The following ACSS2 variants were observed in gnomAD, a reference collection of about 807,000 sequenced individuals.
ACSS2 encodes acetyl-coenzyme A synthetase, cytoplasmic.
Under a neutral mutation model 90.6 loss-of-function variants are expected in ACSS2, and 58 were observed. That is an observed-to-expected ratio of 0.64 (90% CI 0.52 to 0.80). ACSS2 has a LOEUF of 0.80. Ranked by LOEUF, ACSS2 falls within the 30% of genes least tolerant of loss-of-function variation. ACSS2 has a pLI of 0.00. For synonymous variants in ACSS2, 300 were observed against 330.9 expected (o/e 0.91, Z 1.01); for missense variants, 759 against 912.0 (o/e 0.83, Z 2.16).
chr20:34,881,586 T>G (rs2080072873), intron 1 of ACSS2, among the ~76,000 whole-genome samples: 2 of 152,212 alleles, frequency 1.3e-5, no homozygotes, highest in African/African-American at 4.8e-5. Context: ...TTTCCCTTAT[T>G]CTCAGTGTTT....
chr20:34,923,388 A>G lies in ACSS2; in HGVS notation c.1614A>G (p.Thr538=). 1 of 1,614,242 alleles carries G rather than the reference A, an allele frequency of 6.2e-7. No homozygotes were observed. The highest frequency in any genetic ancestry group is 1.1e-5 in the South Asian group (1 of 91,088). ...ATGGGAACCACGAACGCTTTGAGAC[A>G]ACCTACTTTAAGAAGTTTCCTGGAT... ...TVYGNHERFE[T]TYFKKFPGYY... is the part of the protein sequence containing the mutation. The change falls in exon 14 of 18, where the codon ACA becomes ACG. Residue 538 remains threonine, a synonymous_variant. Transcript: ENST00000360596.
chr20:34,910,877 C>G (rs897370561), intron 2 of ACSS2, among the ~76,000 whole-genome samples: 6 of 152,114 alleles, frequency 3.9e-5, no homozygotes, highest in Non-Finnish European at 5.9e-5. Context: ...GGCTGGAGTT[C>G]AGTGACATGA....
chr20:34,876,625 C>T lies in ACSS2; in HGVS notation c.-21C>T, dbSNP rs750158537. ...CCCGCCGCGACCGCAAAGGCGGCCGCGGTTCTAGGAACTTGACGTGATGGG... is the reference window on the plus strand; with the variant it reads ...CCCGCCGCGACCGCAAAGGCGGCCGTGGTTCTAGGAACTTGACGTGATGGG... On this transcript the variant is annotated 5_prime_UTR_variant, in exon 1 of 18. Coordinates refer to ENST00000360596, the MANE Select transcript of ACSS2 (RefSeq NM_018677.4). 3 of 1,311,830 alleles carry T rather than the reference C, an allele frequency of 2.3e-6. No homozygotes were observed. Among genetic ancestry groups the T allele is most frequent in the South Asian group, 4.7e-5 (2 of 42,270 alleles). 81.3% of individuals were successfully genotyped at this position (1,311,830 alleles called of 1,614,324 possible).
intron 6 of ACSS2, 30 bp from the exon 7 acceptor site, chr20:34,914,293 G>A: frequency 1.2e-6 from 2 of 1,607,886 alleles, no homozygotes; most frequent in Non-Finnish European, 1.7e-6. Flanking sequence ...AGCCAACAAG[G>A]CTACCACTTT....
intron 13 of ACSS2, 99 bp from the exon 14 acceptor site, chr20:34,923,224 T>G: frequency 1.1e-6 from 1 of 877,108 alleles, no homozygotes; most frequent in East Asian, 2.6e-5. Flanking sequence ...AAGCCTGTAC[T>G]TCATTCAGGA....
chr20:34,901,836 A>C (rs2080667185), intron 2 of ACSS2, among the ~76,000 whole-genome samples: 1 of 152,182 alleles, frequency 6.6e-6, no homozygotes, highest in African/African-American at 2.4e-5. Flanking sequence ...CCTGTGCTGC[A>C]TGGGAACTTG....
chr20:34,903,504 C>T (rs2080721187), intron 2 of ACSS2, among the ~76,000 whole-genome samples: 1 of 152,036 alleles, frequency 6.6e-6, no homozygotes, highest in Non-Finnish European at 1.5e-5. Context: ...ATTTTTGAGA[C>T]TTGCTATCAC....
In ACSS2 at chr20:34,927,357, TC is replaced by T; in HGVS notation, c.*145del. 8.6e-7 allele frequency: 1 copy of T among 1,157,694 alleles called. No individual in the cohort carries two copies. The highest frequency in any genetic ancestry group is 1.2e-6 in the Non-Finnish European group (1 of 806,488). 71.7% of individuals were successfully genotyped at this position (1,157,694 alleles called of 1,614,324 possible). ...TCTGGGACCGGAAACCAGCTTTGTC[TC>T]CAGGTAGAGACAACATCCTGTGACT... On this transcript the variant is annotated 3_prime_UTR_variant, in exon 18 of 18. Transcript: ENST00000360596. The surrounding 1 kb of genome is among the most constrained non-coding windows in gnomAD (Gnocchi z 4.2).
intron 2 of ACSS2, among the ~76,000 whole-genome samples, chr20:34,904,418 G>T (rs2080747460): frequency 6.6e-6 from 1 of 152,130 alleles, no homozygotes; most frequent in African/African-American, 2.4e-5. Context: ...AGGCCGTTTG[G>T]CTGGAGCAGA....
intron 7 of ACSS2, among the ~76,000 whole-genome samples, chr20:34,917,459 G>T (rs542113089): frequency 6.6e-6 from 1 of 152,282 alleles, no homozygotes; most frequent in African/African-American, 2.4e-5. Flanking sequence ...ACCATAAGGG[G>T]CAGGTGGTAC....
intron 2 of ACSS2, among the ~76,000 whole-genome samples, chr20:34,889,003 A>G (rs543460422): frequency 9.8e-4 from 137 of 139,836 alleles, no homozygotes; most frequent in African/African-American, 3.3e-3. Context: ...ACCACTAGAC[A>G]ATCTTTTTTT....
At chr20:34,891,343 T>C (rs1049477897) in intron 2 of ACSS2, among the ~76,000 whole-genome samples, 2 of 152,184 alleles carry the variant, frequency 1.3e-5, no homozygotes, top group African/African-American at 4.8e-5. Context: ...TCTCTAATCT[T>C]CCAGAATTCT....
At position 34,877,894 on chromosome 20, in the gene ACSS2, GGACAGATAGATA is replaced by G. The variant is rs1005933513; in HGVS notation, c.178+1086_178+1097del. ...TACCCTTGCCCTCAGTCTGGGTAAA[GGACAGATAGATA>G]GACAGATAGATAGATAGATAGATAG... On this transcript the variant is annotated intron_variant, in intron 1 of 17. Transcript: ENST00000360596. 7.6e-5 allele frequency among the ~76,000 whole-genome samples: 6 copies of G among 78,524 alleles called. No homozygotes were observed. In the South Asian group the frequency reaches 2.5e-3, roughly 33 times the overall value. 51.5% of individuals were successfully genotyped at this position (78,524 alleles called of 152,430 possible).
chr20:34,880,111 A>G (rs1249805739), intron 1 of ACSS2, among the ~76,000 whole-genome samples: 2 of 152,056 alleles, frequency 1.3e-5, no homozygotes, highest in African/African-American at 2.4e-5. Flanking sequence ...TCAGTTTGTT[A>G]TTGTTGGGCT....
chr20:34,909,565 G>T (rs940129439), intron 2 of ACSS2, among the ~76,000 whole-genome samples: 9 of 152,010 alleles, frequency 5.9e-5, no homozygotes, highest in African/African-American at 2.2e-4. Context: ...CATTTGTGTA[G>T]AAAAAATGAG....
rs1035141067 is a variant in ACSS2, at chr20:34,914,107, A to G, written c.655A>G (p.Arg219Gly). 2 of 1,614,156 alleles carry G rather than the reference A, an allele frequency of 1.2e-6. No homozygotes were observed. Among genetic ancestry groups the G allele is most frequent in the Non-Finnish European group, 1.7e-6 (2 of 1,180,008 alleles). The change falls in exon 6 of 18, where the codon AGG becomes GGG. Residue 219 changes from arginine to glycine, a missense_variant. Transcript: ENST00000360596. ...SLLITTDAFY[R>G]GEKLVNLKEL... ...GTTGCTCCCCAAAGATGCCTTCTAC[A>G]GGGGGGAAAAGCTTGTGAACCTGAA...
Position 34,913,171 on chromosome 20 carries a change from T to C in ACSS2, c.450T>C (p.Asn150=), listed in dbSNP as rs2081000966. The change falls in exon 3 of 18, where the codon AAT becomes AAC. Residue 150 remains asparagine, a synonymous_variant. Coordinates refer to ENST00000360596, the MANE Select transcript of ACSS2 (RefSeq NM_018677.4). The part of the protein sequence containing the change: ...QLLVQVCQFS[N]VLRKQGIQKG... The stretch of plus-strand genomic sequence containing the variant: ...TGGTCCAAGTGTGTCAGTTCAGCAA[T>C]GTTCTCCGAAAACAGGGTGAGTGTG... The C allele has an allele frequency of 6.2e-7, 1 of 1,614,086 alleles. No homozygotes were observed.
chr20:34,894,711 T>A (rs2080422499), intron 2 of ACSS2, among the ~76,000 whole-genome samples: 1 of 152,186 alleles, frequency 6.6e-6, no homozygotes, highest in Non-Finnish European at 1.5e-5. Context: ...AAAATCTGTC[T>A]AGTTGTTTTC....
chr20:34,890,465 T>C (rs1172736731), intron 2 of ACSS2, among the ~76,000 whole-genome samples: 1 of 151,104 alleles, frequency 6.6e-6, no homozygotes, highest in Non-Finnish European at 1.5e-5. Context: ...GCTGAAGGAG[T>C]GGAAGGGAGT....
Sources: gnomAD v4.1 joint callset for allele counts (sites outside exome capture counted in the v4.1 genomes callset) on GRCh38, gnomAD v4.1.1 for gene constraint, Gnocchi (gnomAD v3.1) non-coding constraint, MANE v1.5 for transcripts, NCBI Gene and HGNC (gene_info 2026-07-23, HGNC 2026-07-21) for gene names.